The following AGBL4 variants were observed in gnomAD, a reference collection of about 807,000 sequenced individuals.
The protein encoded by AGBL4 is cytosolic carboxypeptidase 6.
A neutral mutation model predicts 66.4 loss-of-function variants in AGBL4; 58 were observed. The observed-to-expected ratio is 0.87, with a 90% CI of 0.71 to 1.09. The LOEUF is 1.09. Ranked by LOEUF, AGBL4 falls within the 50% of genes least tolerant of loss-of-function variation. AGBL4 has a pLI of 0.00. For synonymous variants in AGBL4, 234 were observed against 222.9 expected, an observed-to-expected ratio of 1.05 and a Z score of -0.44; for missense variants, 579 against 631.0, an observed-to-expected ratio of 0.92 and a Z score of 0.88.
intron 3 of AGBL4, among the ~76,000 whole-genome samples, chr1:49,445,888 G>A (rs1013960620): frequency 6.6e-6 from 1 of 151,976 alleles, no homozygotes; most frequent in Admixed American, 6.6e-5. Context: ...GTCTCACTCT[G>A]TCACCCAGGC....
chr1:49,563,826 A>T (rs1489242880), intron 3 of AGBL4, among the ~76,000 whole-genome samples: 5 of 152,104 alleles, frequency 3.3e-5, no homozygotes, highest in Non-Finnish European at 7.4e-5. Context: ...GGCCTCATAA[A>T]ATGAGTTAGG....
chr1:49,419,373 G>A (rs1175018453), intron 3 of AGBL4, among the ~76,000 whole-genome samples: 1 of 152,098 alleles, frequency 6.6e-6, no homozygotes, highest in Non-Finnish European at 1.5e-5. Flanking sequence ...CGGTAACATA[G>A]TTCACATTTT....
chr1:49,489,944 C>T (rs965151042), intron 3 of AGBL4, among the ~76,000 whole-genome samples: 4 of 151,524 alleles, frequency 2.6e-5, no homozygotes, highest in Admixed American at 6.6e-5. Context: ...ATAATTTTCT[C>T]TTGGATTTTC....
At chr1:49,696,260 G>A (rs908758655) in intron 3 of AGBL4, among the ~76,000 whole-genome samples, 3 of 152,024 alleles carry the variant, frequency 2.0e-5, no homozygotes, top group South Asian at 2.1e-4. Flanking sequence ...CTTACGATTT[G>A]AGTTTTATTA....
intron 1 of AGBL4, among the ~76,000 whole-genome samples, chr1:49,950,352 G>A (rs1281240159): frequency 2.0e-5 from 3 of 151,210 alleles, no homozygotes; most frequent in Non-Finnish European, 3.0e-5. Flanking sequence ...GCTAAGCTAT[G>A]AGGATGCAAA....
chr1:48,750,375 T>A (rs1651496295), intron 6 of AGBL4, among the ~76,000 whole-genome samples: 1 of 152,210 alleles, frequency 6.6e-6, no homozygotes, highest in South Asian at 2.1e-4. Flanking sequence ...GTTCCTTGAA[T>A]AAGCCAGCCT....
At chr1:49,682,454 T>C (rs1646713487) in intron 3 of AGBL4, among the ~76,000 whole-genome samples, 1 of 152,144 alleles carries the variant, frequency 6.6e-6, no homozygotes, top group Admixed American at 6.6e-5. Context: ...TTACTGACTC[T>C]CATTAATGAT....
intron 1 of AGBL4, among the ~76,000 whole-genome samples, chr1:49,911,439 T>A (rs1043146374): frequency 6.6e-6 from 1 of 152,292 alleles, no homozygotes; most frequent in South Asian, 2.1e-4. Flanking sequence ...TCTATGGATA[T>A]AGATACTACA....
At chr1:49,080,185 A>T (rs910103360) in intron 4 of AGBL4, among the ~76,000 whole-genome samples, 3 of 152,188 alleles carry the variant, frequency 2.0e-5, no homozygotes, top group African/African-American at 7.2e-5. Context: ...ACAGAATACC[A>T]CATAAATGTT....
At chr1:48,648,360 A>G (rs892611868) in intron 8 of AGBL4, among the ~76,000 whole-genome samples, 2 of 152,104 alleles carry the variant, frequency 1.3e-5, no homozygotes, top group Non-Finnish European at 2.9e-5. Context: ...TAATGTCCTC[A>G]AGTTTCATTC....
chr1:49,359,765 C>T (rs368785445), intron 3 of AGBL4, among the ~76,000 whole-genome samples: 4 of 152,110 alleles, frequency 2.6e-5, no homozygotes, highest in East Asian at 1.9e-4. Context: ...TTTTTTACCC[C>T]GAGAAAGGGC....
At chr1:48,843,267 G>T (rs554715290) in intron 6 of AGBL4, among the ~76,000 whole-genome samples, 2 of 152,068 alleles carry the variant, frequency 1.3e-5, no homozygotes, top group South Asian at 4.2e-4. Context: ...ATTGATTTAG[G>T]GTTATTGAAC....
intron 2 of AGBL4, among the ~76,000 whole-genome samples, chr1:49,765,045 G>A (rs914669874): frequency 1.3e-5 from 2 of 152,044 alleles, no homozygotes; most frequent in African/African-American, 2.4e-5. Context: ...CCTCCCAGTC[G>A]CCCTTCTCAG....
chr1:49,068,405 AGT>A (rs914654735), intron 4 of AGBL4, among the ~76,000 whole-genome samples: 6 of 40,084 alleles, frequency 1.5e-4, no homozygotes, highest in African/African-American at 5.0e-4. Context: ...AACAGGCCCC[AGT>A]GTGTGATGTT....
rs1269306183 is a variant in AGBL4 at position 49,942,189 on chromosome 1, A to G, written c.34+81574T>C. On this transcript the variant is annotated intron_variant, in intron 1 of 13. Transcript: ENST00000371839. ...CTACAAAGTGAACAAGTAAAACTGA[A>G]GAAGACACAAATAAATATAAACCTC... is the stretch of plus-strand genomic sequence containing the variant. 3.3e-5 allele frequency among the ~76,000 whole-genome samples: 5 copies of G among 152,242 alleles called. No individual in the cohort carries two copies. In the East Asian group the frequency reaches 5.8e-4, roughly 18 times the overall value.
intron 6 of AGBL4, among the ~76,000 whole-genome samples, chr1:48,712,487 G>T (rs962322458): frequency 6.6e-6 from 1 of 152,162 alleles, no homozygotes; most frequent in African/African-American, 2.4e-5. Flanking sequence ...TGAATTAAAA[G>T]TAATAATAAT....
At chr1:49,690,626 GAATT>G (rs1406331531) in intron 3 of AGBL4, among the ~76,000 whole-genome samples, 2 of 152,150 alleles carry the variant, frequency 1.3e-5, no homozygotes, top group African/African-American at 2.4e-5. Flanking sequence ...ATAAATGAAT[GAATT>G]AATATAAAGG....
intron 6 of AGBL4, among the ~76,000 whole-genome samples, chr1:48,799,645 C>A (rs1419869174): frequency 6.6e-6 from 1 of 152,014 alleles, no homozygotes; most frequent in Non-Finnish European, 1.5e-5. Context: ...TCATAGATAG[C>A]TTTTATTATG....
In AGBL4 at chr1:49,015,898, CAT is replaced by C. The variant is rs1175140905; in HGVS notation, c.594+29684_594+29685del. Reference sequence around the variant, plus strand: ...GGAAAAAAACCCCCAAAAACAAAAACATAGGCTTTTCAACCAGACCTAGGTTT... The same window carrying C: ...GGAAAAAAACCCCCAAAAACAAAAACAGGCTTTTCAACCAGACCTAGGTTT... On this transcript the variant is annotated intron_variant, in intron 5 of 13. Coordinates refer to ENST00000371839, the MANE Select transcript of AGBL4 (RefSeq NM_032785.4). Among the ~76,000 whole-genome samples the C allele has an allele frequency of 3.9e-5, 6 of 152,158 alleles. No individual in the cohort carries two copies. In the East Asian group the frequency reaches 1.2e-3, roughly 29 times the overall value.
Sources: allele counts gnomAD v4.1 joint callset (sites outside exome capture counted in the v4.1 genomes callset), GRCh38; gene constraint gnomAD v4.1.1; transcripts MANE v1.5; gene names NCBI Gene and HGNC (gene_info 2026-07-23, HGNC 2026-07-21).